FER: variants seen among roughly 807,000 people sequenced by gnomAD.
FER encodes tyrosine-protein kinase Fer.
FER carries 63 observed loss-of-function variants against 111.0 expected under a neutral mutation model. The observed-to-expected ratio is 0.57, with a 90% CI of 0.46 to 0.70. FER has a LOEUF of 0.70. Ranked by LOEUF, FER falls within the 30% of genes least tolerant of loss-of-function variation. The pLI is 0.00. For missense variants in FER, 914 were observed against 954.0 expected (o/e 0.96, Z 0.55); for synonymous variants, 327 against 313.9 (o/e 1.04, Z -0.44).
chr5:109,118,088 A>G (rs927223880), intron 17 of FER, among the ~76,000 whole-genome samples: 251 of 151,998 alleles, frequency 1.7e-3, no homozygotes, highest in African/African-American at 1.1e-3. Context: ...TCTTGTGCCA[A>G]TTTTCAAAGG....
intron 2 of FER, among the ~76,000 whole-genome samples, chr5:108,780,304 A>G (rs1753914544): frequency 6.6e-6 from 1 of 151,756 alleles, no homozygotes; most frequent in South Asian, 2.1e-4. Flanking sequence ...AATTCCCTCA[A>G]TATTTATGTT....
chr5:109,056,043 A>G (rs902891656), intron 16 of FER, among the ~76,000 whole-genome samples: 2 of 152,188 alleles, frequency 1.3e-5, no homozygotes, highest in Admixed American at 6.5e-5. Flanking sequence ...CCTTACTCCA[A>G]TTAGGATGGC....
At chr5:109,056,322 ATGTT>A (rs1303361653) in intron 16 of FER, among the ~76,000 whole-genome samples, 2 of 152,196 alleles carry the variant, frequency 1.3e-5, no homozygotes, top group Non-Finnish European at 2.9e-5. Context: ...AAAAAACTAA[ATGTT>A]TGTCAGCAGA....
chr5:108,999,092 A>C (rs192501295), intron 13 of FER, among the ~76,000 whole-genome samples: 48 of 152,282 alleles, frequency 3.2e-4, no homozygotes, highest in Admixed American at 5.9e-4. Context: ...TAAAAGTAAG[A>C]ATTGAAACAT....
intron 17 of FER, among the ~76,000 whole-genome samples, chr5:109,169,636 T>C (rs7717569): frequency 0.096 from 14,622 of 152,248 alleles, 839 homozygotes; most frequent in African/African-American, 0.16. Flanking sequence ...AAAACTGTTT[T>C]CCATTAACAG....
At chr5:109,060,876 ATCAG>A (rs751305402) in intron 16 of FER, among the ~76,000 whole-genome samples, 1 of 151,836 alleles carries the variant, frequency 6.6e-6, no homozygotes, top group Non-Finnish European at 1.5e-5. Flanking sequence ...CATCATCATC[ATCAG>A]TATCATTATA....
intron 10 of FER, among the ~76,000 whole-genome samples, chr5:108,921,682 GA>G (rs1266185463): frequency 2.6e-5 from 4 of 152,040 alleles, no homozygotes; most frequent in Non-Finnish European, 4.4e-5. Context: ...TTCGATTTTA[GA>G]AAAGACGTTG....
In FER at chr5:109,189,049, A is replaced by T. The variant is rs1759176661; in HGVS notation, c.*1474A>T. On this transcript the variant is annotated 3_prime_UTR_variant, in exon 20 of 20. Coordinates refer to ENST00000281092, the MANE Select transcript of FER (RefSeq NM_005246.4). ...TACTTCCACCTTCATTGACCATTAT[A>T]CTGCCCCCTGGACATTCTTACCATT... 6.6e-6 allele frequency: 1 copy of T among 152,176 alleles called. No individual in the cohort carries two copies. Among genetic ancestry groups the T allele is most frequent in the African/African-American group, 2.4e-5 (1 of 41,436 alleles). The allele number at this position is 152,176 out of a possible 1,614,324, so 9.4% of individuals were successfully genotyped here.
intron 17 of FER, among the ~76,000 whole-genome samples, chr5:109,118,416 T>C (rs2126472241): frequency 6.6e-6 from 1 of 152,326 alleles, no homozygotes; most frequent in East Asian, 1.9e-4. Flanking sequence ...GCCAGCATTT[T>C]ATTGAGGATT....
In FER at chr5:108,994,739, C is replaced by T. The variant is rs578150308; in HGVS notation, c.1656+35392C>T. Reference sequence around the variant, plus strand: ...TTATGATACTGATTATTCCTATCCACGAGCATGGAATGTTTTTCCATTTGT... The same window carrying T: ...TTATGATACTGATTATTCCTATCCATGAGCATGGAATGTTTTTCCATTTGT... On this transcript the variant is annotated intron_variant, in intron 13 of 19. Coordinates refer to ENST00000281092, the MANE Select transcript of FER (RefSeq NM_005246.4). 6.7e-4 allele frequency among the ~76,000 whole-genome samples: 102 copies of T among 152,170 alleles called. 1 individual carries two copies. The highest frequency in any genetic ancestry group is 2.3e-3 in the African/African-American group (97 of 41,538).
At chr5:109,096,415 T>TA (rs957995048) in intron 16 of FER, among the ~76,000 whole-genome samples, 3 of 151,884 alleles carry the variant, frequency 2.0e-5, no homozygotes, top group Non-Finnish European at 4.4e-5. Flanking sequence ...TTGAAAAACT[T>TA]AGAGGCAAGT....
intron 13 of FER, among the ~76,000 whole-genome samples, chr5:109,000,858 A>T (rs1268957001): frequency 1.3e-5 from 2 of 152,254 alleles, no homozygotes; most frequent in East Asian, 3.8e-4. Flanking sequence ...AACTACCATC[A>T]TAGAATACTA....
At position 108,946,961 on chromosome 5, in the gene FER, G is replaced by A. The variant is rs370651561; in HGVS notation, c.1329+739G>A. 9.9e-5 allele frequency among the ~76,000 whole-genome samples: 15 copies of A among 152,002 alleles called. 1 individual carries two copies. In the South Asian group the frequency reaches 3.1e-3, roughly 32 times the overall value. On this transcript the variant is annotated intron_variant, in intron 11 of 19. Coordinates refer to ENST00000281092, the MANE Select transcript of FER (RefSeq NM_005246.4). Reference sequence around the variant, plus strand: ...AAAATCATACAATATGTGACCTTTTGCATGTAGTTTCTTCCATTTATAATT... The same window carrying A: ...AAAATCATACAATATGTGACCTTTTACATGTAGTTTCTTCCATTTATAATT...
chr5:108,896,036 T>A (rs948865924), intron 9 of FER, among the ~76,000 whole-genome samples: 8 of 152,180 alleles, frequency 5.3e-5, no homozygotes, highest in Non-Finnish European at 1.2e-4. Flanking sequence ...CCCTGTTGAT[T>A]TTGCCCACAT....
intron 2 of FER, among the ~76,000 whole-genome samples, chr5:108,781,919 GTT>G (rs147939937): frequency 4.8e-4 from 71 of 147,062 alleles, no homozygotes; most frequent in East Asian, 1.4e-3. Flanking sequence ...AAGTAATAGG[GTT>G]TTTTTTTTTT....
chr5:108,877,694 C>G (rs1344303771), intron 8 of FER, among the ~76,000 whole-genome samples: 1 of 152,028 alleles, frequency 6.6e-6, no homozygotes, highest in Non-Finnish European at 1.5e-5. Flanking sequence ...TTAATTAACC[C>G]AAATGTCACA....
intron 17 of FER, among the ~76,000 whole-genome samples, chr5:109,158,509 A>G (rs1197013065): frequency 6.6e-6 from 1 of 152,174 alleles, no homozygotes; most frequent in African/African-American, 2.4e-5. Flanking sequence ...TCACTTAAGA[A>G]TACCAATCTT....
intron 11 of FER, among the ~76,000 whole-genome samples, chr5:108,947,042 C>T (rs1757079727): frequency 6.6e-6 from 1 of 152,028 alleles, no homozygotes; most frequent in Admixed American, 6.6e-5. Flanking sequence ...CTTTTTGTGA[C>T]TGAATAATAC....
rs992017530 is a variant in FER at position 108,871,365 on chromosome 5, C to T, written c.666C>T (p.Leu222=). 6.2e-7 allele frequency: 1 copy of T among 1,601,348 alleles called. No individual in the cohort carries two copies. Among genetic ancestry groups the T allele is most frequent in the Non-Finnish European group, 8.5e-7 (1 of 1,174,768 alleles). The change falls in exon 7 of 20, where the codon CTC becomes CTT. Residue 222 remains leucine (L), a splice_region_variant and synonymous_variant. Transcript: ENST00000281092. The stretch of plus-strand genomic sequence containing the variant: ...TGCAAAATTTTATTTTTGTTTTCAG[C>T]AAAGGTATATTTGATGAATACAGCC... The part of the protein sequence containing the change: ...QKMQEEMIKA[L]KGIFDEYSQI...
Sources: allele counts gnomAD v4.1 joint callset (sites outside exome capture counted in the v4.1 genomes callset), GRCh38; gene constraint gnomAD v4.1.1; transcripts MANE v1.5; gene names NCBI Gene and HGNC (gene_info 2026-07-23, HGNC 2026-07-21).